Variants in RORA observed in about 807,000 individuals in gnomAD.
RORA encodes the protein nuclear receptor ROR-alpha.
A neutral mutation model predicts 69.5 loss-of-function variants in RORA; 7 were observed. The observed-to-expected ratio is 0.10, with a 90% confidence interval of 0.06 to 0.19. RORA has a LOEUF of 0.19. Among genes scored for constraint, RORA ranks in the 10% least tolerant of loss-of-function variants. RORA has a pLI of 1.00. For missense variants in RORA, 457 were observed against 663.0 expected (o/e 0.69, Z 3.41); for synonymous variants, 261 against 240.8 (o/e 1.08, Z -0.78).
intron 1 of RORA, among the ~76,000 whole-genome samples, chr15:61,008,064 T>C (rs1043564096): frequency 2.6e-5 from 4 of 151,980 alleles, no homozygotes; most frequent in African/African-American, 9.7e-5. Context: ...AGTTTTATTT[T>C]TAAATGTAAA....
At chr15:60,871,076 GTCT>G (rs2073549836) in intron 1 of RORA, among the ~76,000 whole-genome samples, 1 of 152,176 alleles carries the variant, frequency 6.6e-6, no homozygotes, top group Non-Finnish European at 1.5e-5. Flanking sequence ...TTTTAGAAAT[GTCT>G]TCTTGAGCAC....
At chr15:60,655,588 C>T (rs190246675) in intron 2 of RORA, among the ~76,000 whole-genome samples, 40 of 152,252 alleles carry the variant, frequency 2.6e-4, no homozygotes, top group Non-Finnish European at 1.5e-4. Flanking sequence ...GAAGCAAATG[C>T]TAGAATGAAT....
chr15:60,567,411 TTATTA>T (rs1567093027), intron 2 of RORA, among the ~76,000 whole-genome samples: 30 of 148,952 alleles, frequency 2.0e-4, no homozygotes, highest in African/African-American at 6.7e-4. Context: ...ATTATTATTA[TTATTA>T]TTTTTTTTTT....
intron 1 of RORA, among the ~76,000 whole-genome samples, chr15:61,153,867 G>A (rs556951315): frequency 1.3e-5 from 2 of 152,312 alleles, no homozygotes; most frequent in East Asian, 1.9e-4. Context: ...GGAACAGGAC[G>A]CAGCCATTAT....
At chr15:61,123,969 C>T (rs959707998) in intron 1 of RORA, among the ~76,000 whole-genome samples, 4 of 152,208 alleles carry the variant, frequency 2.6e-5, no homozygotes, top group South Asian at 2.1e-4. Flanking sequence ...CTCGAAGTCT[C>T]GCTTATCCTA....
intron 1 of RORA, among the ~76,000 whole-genome samples, chr15:61,120,404 A>T (rs1158418630): frequency 6.6e-6 from 1 of 152,074 alleles, no homozygotes; most frequent in Non-Finnish European, 1.5e-5. Flanking sequence ...GAGGAATTTT[A>T]AAAAAACATA....
At chr15:60,937,803 A>G (rs1486425807) in intron 1 of RORA, among the ~76,000 whole-genome samples, 1 of 152,230 alleles carries the variant, frequency 6.6e-6, no homozygotes, top group African/African-American at 2.4e-5. Flanking sequence ...GGGGATGCTG[A>G]TATTTGTGAT....
chr15:61,086,665 C>T (rs997404137), intron 1 of RORA, among the ~76,000 whole-genome samples: 9 of 151,910 alleles, frequency 5.9e-5, no homozygotes, highest in Non-Finnish European at 2.9e-5. Flanking sequence ...ATAAGGGGTC[C>T]TTTCCCAAAA....
chr15:61,058,713 A>C (rs1293879499), intron 1 of RORA, among the ~76,000 whole-genome samples: 1 of 152,184 alleles, frequency 6.6e-6, no homozygotes, highest in African/African-American at 2.4e-5. Flanking sequence ...AGGGCCTAGC[A>C]CTTTGTATCT....
intron 1 of RORA, among the ~76,000 whole-genome samples, chr15:60,717,161 G>C (rs534394548): frequency 2.2e-4 from 34 of 152,302 alleles, no homozygotes; most frequent in Admixed American, 8.5e-4. Context: ...AGGGTACCCA[G>C]ATGGTGTCTG....
intron 1 of RORA, among the ~76,000 whole-genome samples, chr15:60,732,625 G>A (rs1281467924): frequency 2.6e-5 from 4 of 152,008 alleles, no homozygotes; most frequent in South Asian, 2.1e-4. Flanking sequence ...TCTGAGATGT[G>A]ATAATCATTC....
chr15:61,030,442 T>C lies in RORA; in HGVS notation c.166+198611A>G, dbSNP rs1309344547. Among the ~76,000 whole-genome samples the C allele has an allele frequency of 3.3e-5, 5 of 152,342 alleles. 1 individual carries two copies. The highest frequency in any genetic ancestry group is 4.4e-5 in the Non-Finnish European group (3 of 68,028). ...ATGATTGAGAAGAAAATTAAGTTTA[T>C]CTGTACTAGTCTTGTTACTTTTCTG... is the stretch of plus-strand genomic sequence containing the variant. On this transcript the variant is annotated intron_variant, in intron 1 of 10. Transcript: ENST00000335670.
intron 2 of RORA, among the ~76,000 whole-genome samples, chr15:60,630,926 C>T (rs2069723269): frequency 7.3e-6 from 1 of 137,298 alleles, no homozygotes; most frequent in African/African-American, 2.7e-5. Flanking sequence ...CTCGCTCTGT[C>T]ACCAAGCTGG....
At chr15:61,191,799 C>T (rs2079802818) in intron 1 of RORA, among the ~76,000 whole-genome samples, 1 of 152,226 alleles carries the variant, frequency 6.6e-6, no homozygotes, top group African/African-American at 2.4e-5. Context: ...TGTGTCCTCA[C>T]ATTCTGTAGT....
chr15:60,694,886 A>T (rs1031762314), intron 1 of RORA, among the ~76,000 whole-genome samples: 7 of 152,234 alleles, frequency 4.6e-5, no homozygotes, highest in Non-Finnish European at 1.0e-4. Context: ...GCCAGAAAGA[A>T]GCTTGAAATT....
intron 2 of RORA, among the ~76,000 whole-genome samples, chr15:60,645,420 A>ATTT (rs11382212): frequency 2.7e-4 from 37 of 135,432 alleles, no homozygotes; most frequent in African/African-American, 8.4e-4. Flanking sequence ...TGACAGATAA[A>ATTT]TTTTTTTTTT....
At chr15:60,635,975 G>A (rs1346811060) in intron 2 of RORA, among the ~76,000 whole-genome samples, 1 of 152,126 alleles carries the variant, frequency 6.6e-6, no homozygotes, top group Non-Finnish European at 1.5e-5. Flanking sequence ...CTCTGTGGTT[G>A]TGGTGGTAGC....
chr15:60,506,224 G>C (rs113774987), intron 5 of RORA, among the ~76,000 whole-genome samples: 1 of 151,922 alleles, frequency 6.6e-6, no homozygotes, highest in East Asian at 1.9e-4. Flanking sequence ...GTGATCTCGG[G>C]TATGTTATTT....
intron 2 of RORA, chr15:60,627,122 TCA>T: frequency 1.1e-6 from 1 of 883,664 alleles, no homozygotes; most frequent in African/African-American, 1.7e-5. Context: ...ATCTTTTCCT[TCA>T]CTCGTCAGAT....
Sources: allele counts gnomAD v4.1 joint callset (sites outside exome capture counted in the v4.1 genomes callset), GRCh38; gene constraint gnomAD v4.1.1; transcripts MANE v1.5; gene names NCBI Gene and HGNC (gene_info 2026-07-23, HGNC 2026-07-21).